Variants in TTC22 observed in about 807,000 individuals in gnomAD.
The protein encoded by TTC22 is tetratricopeptide repeat domain 22.
Under a neutral mutation model 48.2 loss-of-function variants are expected in TTC22, and 42 were observed. The observed-to-expected ratio is 0.87, with a 90% CI of 0.68 to 1.13. The LOEUF (loss-of-function observed/expected upper bound fraction) is 1.13. Ranked by LOEUF, TTC22 falls within the 50% of genes most tolerant of loss-of-function variation. TTC22 has a pLI of 0.00. For synonymous variants in TTC22, 345 were observed against 365.5 expected (o/e 0.94, Z 0.64); for missense variants, 784 against 807.0 (o/e 0.97, Z 0.34).
Position 54,781,412 on chromosome 1 carries a change from C to A in TTC22, c.1541G>T (p.Arg514Leu), listed in dbSNP as rs1395324408. 2 of 1,400,680 alleles carry A rather than the reference C, an allele frequency of 1.4e-6. No homozygotes were observed. Among genetic ancestry groups the A allele is most frequent in the Non-Finnish European group, 1.8e-6 (2 of 1,088,356 alleles). 86.8% of individuals were successfully genotyped at this position (1,400,680 alleles called of 1,614,324 possible). A position where few individuals can be genotyped will look rare whatever the true frequency, so the allele number is the denominator to read the frequency against. Residue 514 changes from arginine (R) to leucine (L), a missense_variant, in exon 7 of 7, where the codon CGC becomes CTC. Transcript: ENST00000371276. ...GCGCCACACGCGCTGCAGCTCCTGGCGCAGGCGCGCCGCGGGGTACTTGTC... is the reference window on the plus strand; with the variant it reads ...GCGCCACACGCGCTGCAGCTCCTGGAGCAGGCGCGCCGCGGGGTACTTGTC... ...AQDKYPAARL[R>L]QELQRVWRGH...
chr1:54,795,790 T>A (rs1329014337), intron 1 of TTC22, among the ~76,000 whole-genome samples: 1 of 152,166 alleles, frequency 6.6e-6, no homozygotes, highest in Non-Finnish European at 1.5e-5. Flanking sequence ...CTCTCAAACT[T>A]CCCAGCTAAG....
intron 1 of TTC22, among the ~76,000 whole-genome samples, chr1:54,791,887 A>G (rs888537638): frequency 6.6e-6 from 1 of 152,202 alleles, no homozygotes; most frequent in African/African-American, 2.4e-5. Context: ...CTTGTCCACA[A>G]CACTCAGTTA....
At chr1:54,782,613 C>G in intron 5 of TTC22, 136 bp from the exon 6 acceptor site, 1 of 944,310 alleles carries the variant, frequency 1.1e-6, no homozygotes, top group South Asian at 1.8e-5. Context: ...ACCCTGAGGC[C>G]AGGACCCAGG....
chr1:54,784,881 C>A, intron 5 of TTC22: 1 of 1,139,334 alleles, frequency 8.8e-7, no homozygotes. Context: ...GGGAAGCTAG[C>A]AGGAGGCAGA....
In TTC22 at chr1:54,787,719, C is replaced by CG. The variant is rs766710497; in HGVS notation, c.730dup (p.Arg244ProfsTer29). The stretch of plus-strand genomic sequence containing the variant: ...ATCCCCCGGGTCCCCACCTCGGTGG[C>CG]GGGGGTCCTCGGACTTCAGCACTTG... On this transcript the variant is annotated frameshift_variant, in exon 3 of 7. Coordinates refer to ENST00000371276, the MANE Select transcript of TTC22 (RefSeq NM_001114108.2). LOFTEE classifies it high-confidence loss of function. 3.1e-6 allele frequency: 5 copies of CG among 1,611,414 alleles called. No homozygotes were observed. The highest frequency in any genetic ancestry group is 3.3e-5 in the Admixed American group (2 of 59,864).
At chr1:54,787,955 G>T in intron 2 of TTC22, 87 bp downstream of exon 2, 1 of 1,503,930 alleles carries the variant, frequency 6.6e-7, no homozygotes, top group African/African-American at 1.4e-5. Flanking sequence ...GAAGGGCCCA[G>T]CCACCTCTGC....
intron 4 of TTC22, 162 bp from the exon 5 acceptor site, chr1:54,786,306 A>T (rs965250312): frequency 1.8e-5 from 11 of 625,718 alleles, no homozygotes; most frequent in Non-Finnish European, 2.2e-5. Flanking sequence ...AAGTTGTCAC[A>T]TCACGAAGCC....
intron 1 of TTC22, among the ~76,000 whole-genome samples, chr1:54,799,201 T>G (rs2101475822): frequency 1.3e-5 from 2 of 152,266 alleles, no homozygotes; most frequent in South Asian, 4.1e-4. Flanking sequence ...CACACCCCCA[T>G]GAAGCAATCG....
rs1553185392 is a variant in TTC22, at chr1:54,781,340, T to TGGGCCACCAGGGCCC, written c.1598_1612dup (p.Arg533_Ala537dup). On this transcript the variant is annotated inframe_insertion, in exon 7 of 7. Transcript: ENST00000371276. ...CAGCCGCACCAGCGCCGGCCGTCCC[T>TGGGCCACCAGGGCCC]GGGCCACCAGGGCCCGGGCCAGCCC... 3 of 1,413,510 alleles carry TGGGCCACCAGGGCCC rather than the reference T, an allele frequency of 2.1e-6. No individual in the cohort carries two copies. Among genetic ancestry groups the TGGGCCACCAGGGCCC allele is most frequent in the East Asian group, 3.0e-5 (1 of 32,816 alleles). The allele number at this position is 1,413,510 out of a possible 1,614,324, so 87.6% of individuals were successfully genotyped here.
At chr1:54,785,521 A>G (rs781100937) in intron 5 of TTC22, 1 of 450,134 alleles carries the variant, frequency 2.2e-6, no homozygotes, top group South Asian at 1.6e-5. Context: ...TCACTCAAAA[A>G]CCTTACAGGG....
intron 1 of TTC22, among the ~76,000 whole-genome samples, chr1:54,798,847 T>A (rs909972387): frequency 6.6e-6 from 1 of 152,178 alleles, no homozygotes; most frequent in African/African-American, 2.4e-5. Context: ...AGCTGATCAA[T>A]GTTTATGAAG....
intron 4 of TTC22, 35 bp downstream of exon 4, chr1:54,786,922 C>T: frequency 5.2e-6 from 6 of 1,148,908 alleles, no homozygotes; most frequent in Non-Finnish European, 7.2e-6. Context: ...GGCTCCTTCT[C>T]AGTTTAGAGG....
chr1:54,801,148 C>T lies in TTC22; in HGVS notation c.16G>A (p.Ala6Thr), dbSNP rs766858380. The T allele has an allele frequency of 1.2e-6, 2 of 1,610,810 alleles. No individual in the cohort carries two copies. The highest frequency in any genetic ancestry group is 1.3e-5 in the African/African-American group (1 of 74,908). ...AGGGCGTCTAGATCGTCGGCCACAG[C>T]CTCCAGCTCCGCCATGACTGCTCCC... MAELE[A>T]VADDLDALID... The change falls in exon 1 of 7, where the codon GCT (alanine) becomes ACT (threonine). Residue 6 changes from alanine to threonine, a missense_variant. Ala to Thr is a moderately conservative substitution (Grantham distance 58). Transcript: ENST00000371276.
At chr1:54,784,936 G>C in intron 5 of TTC22, 8 of 378,544 alleles carry the variant, frequency 2.1e-5, no homozygotes, top group Non-Finnish European at 3.6e-5. Flanking sequence ...ACTATGCAGT[G>C]GACTGCATCA....
chr1:54,793,146 G>A (rs1168236967), intron 1 of TTC22: 2 of 152,234 alleles, frequency 1.3e-5, no homozygotes, highest in African/African-American at 2.4e-5. Flanking sequence ...CGTGGTCTAT[G>A]AGAGAGGCTG....
At chr1:54,799,977 G>A (rs1284074721) in intron 1 of TTC22, among the ~76,000 whole-genome samples, 1 of 152,172 alleles carries the variant, frequency 6.6e-6, no homozygotes, top group Non-Finnish European at 1.5e-5. Flanking sequence ...GTGAGCACGG[G>A]GGAGCTGGAA....
chr1:54,785,878 A>C, intron 5 of TTC22, 105 bp downstream of exon 5: 1 of 1,100,074 alleles, frequency 9.1e-7, no homozygotes, highest in Non-Finnish European at 1.3e-6. Flanking sequence ...CCCTTCCACC[A>C]TGAGGACTCC....
chr1:54,791,701 A>G (rs1646353119), intron 1 of TTC22, among the ~76,000 whole-genome samples: 1 of 151,922 alleles, frequency 6.6e-6, no homozygotes, highest in African/African-American at 2.4e-5. Flanking sequence ...GGTCCCAGGC[A>G]CCTTTCTTGC....
rs1288431922 is a variant in TTC22 at position 54,800,873 on chromosome 1, C to T, written c.291G>A (p.Pro97=). 12 of 1,610,352 alleles carry T rather than the reference C, an allele frequency of 7.5e-6. No homozygotes were observed. The Admixed American group carries it at 1.7e-4, about 22-fold the overall frequency. The change falls in exon 1 of 7, where the codon CCG becomes CCA. Residue 97 remains proline (P), a synonymous_variant. Transcript: ENST00000371276. The stretch of plus-strand genomic sequence containing the variant: ...GATTGGCCCAGGCATTGAGGTTGCC[C>T]GGGTGCTCGTGGGCCACCTCGAGGA... The part of the protein sequence containing the change: ...ECFLEVAHEH[P]GNLNAWANLA...
Sources: allele counts gnomAD v4.1 joint callset (sites outside exome capture counted in the v4.1 genomes callset), GRCh38; gene constraint gnomAD v4.1.1; transcripts MANE v1.5; gene names NCBI Gene and HGNC (gene_info 2026-07-23, HGNC 2026-07-21).